Variants in NBAS observed in about 807,000 individuals in gnomAD.
The protein encoded by NBAS is NAG/BC035112 fusion.
In NBAS, 219 loss-of-function variants were observed where a neutral mutation model predicts 302.5. The observed-to-expected ratio is 0.72, with a 90% CI of 0.65 to 0.81. The LOEUF (loss-of-function observed/expected upper bound fraction) is 0.81. Among genes scored for constraint, NBAS ranks in the 30% least tolerant of loss-of-function variants. The pLI, the probability that NBAS is intolerant of heterozygous loss-of-function variation, is 0.00. For synonymous variants in NBAS, 1,118 were observed against 1,021.6 expected, an observed-to-expected ratio of 1.09 and a Z score of -1.80; for missense variants, 2,932 against 2,841.6, an observed-to-expected ratio of 1.03 and a Z score of -0.72.
At chr2:15,436,486 AC>A (rs1261153121) in intron 21 of NBAS, among the ~76,000 whole-genome samples, 1 of 152,208 alleles carries the variant, frequency 6.6e-6, no homozygotes, top group Non-Finnish European at 1.5e-5. Flanking sequence ...TACTTTGGAA[AC>A]CAAGTTATAC....
the NBAS span, among the ~76,000 whole-genome samples, chr2:14,896,762 G>T: frequency 1.4e-4 from 22 of 152,318 alleles, 1 homozygote; most frequent in Non-Finnish European, 1.5e-5. Context: ...CCATTGCAAA[G>T]AAGAAGCTGG....
At position 15,292,471 on chromosome 2, in the gene NBAS, T is replaced by C. The variant is rs948061890; in HGVS notation, c.5027+66A>G. The C allele has an allele frequency of 2.6e-6, 4 of 1,513,580 alleles. No individual in the cohort carries two copies. The African/African-American group carries it at 5.5e-5, about 21-fold the overall frequency. The allele number at this position is 1,513,580 out of a possible 1,614,324, so 93.8% of individuals were successfully genotyped here. ...TTCAAAGGACTGAAATTAATAGTCC[T>C]GGTAACTGAACTTATTCTTTTGCAG... On this transcript the variant is annotated intron_variant, in intron 41 of 51. Transcript: ENST00000281513.
At chr2:15,512,077 A>G (rs1342576656) in intron 9 of NBAS, among the ~76,000 whole-genome samples, 1 of 152,224 alleles carries the variant, frequency 6.6e-6, no homozygotes, top group Non-Finnish European at 1.5e-5. Flanking sequence ...AAAGAAAGAA[A>G]AAAAGTCTGA....
chr2:15,535,567 A>AAATAAATAAAT (rs1558420388), intron 8 of NBAS, among the ~76,000 whole-genome samples: 2 of 136,318 alleles, frequency 1.5e-5, no homozygotes, highest in African/African-American at 6.1e-5. Flanking sequence ...AATAAATAAA[A>AAATAAATAAAT]ATAAAAAAAT....
At chr2:14,895,673 G>A in the NBAS span, among the ~76,000 whole-genome samples, 6 of 151,276 alleles carry the variant, frequency 4.0e-5, no homozygotes, top group Non-Finnish European at 5.9e-5. Flanking sequence ...CCGGGAGGTG[G>A]AGCTTGCAGT....
intron 35 of NBAS, among the ~76,000 whole-genome samples, chr2:15,336,310 T>A (rs1026188989): frequency 4.6e-5 from 7 of 152,234 alleles, no homozygotes; most frequent in African/African-American, 1.7e-4. Flanking sequence ...CTATTCAAGA[T>A]CAGAGACACT....
chr2:15,266,097 G>A (rs975897746), intron 44 of NBAS, among the ~76,000 whole-genome samples: 1 of 152,150 alleles, frequency 6.6e-6, no homozygotes, highest in Non-Finnish European at 1.5e-5. Context: ...AAGATCTGAT[G>A]GTTTTAGAAG....
At chr2:14,890,754 G>A in the NBAS span, 1,606 of 152,908 alleles carry the variant, frequency 0.011, 26 homozygotes, top group African/African-American at 0.034. Context: ...GGAGGCTGAG[G>A]TTGCAGTGAG....
At chr2:15,413,749 C>G (rs1463008865) in intron 25 of NBAS, among the ~76,000 whole-genome samples, 1 of 152,190 alleles carries the variant, frequency 6.6e-6, no homozygotes, top group Non-Finnish European at 1.5e-5. Flanking sequence ...TCACTGAAAA[C>G]TTTCCGCAGA....
chr2:15,287,056 A>G lies in NBAS; in HGVS notation c.5138+17T>C. On this transcript the variant is annotated intron_variant, in intron 42 of 51. Coordinates refer to ENST00000281513, the MANE Select transcript of NBAS (RefSeq NM_015909.4). Reference sequence around the variant, plus strand: ...GAAAGACATGGAAACAAACGTACATATGAACTGTGTGCTTACCCACTGTCC... The same window carrying G: ...GAAAGACATGGAAACAAACGTACATGTGAACTGTGTGCTTACCCACTGTCC... 6.4e-7 allele frequency: 1 copy of G among 1,555,276 alleles called. No individual in the cohort carries two copies. The highest frequency in any genetic ancestry group is 1.1e-5 in the South Asian group (1 of 89,832).
chr2:15,038,082 T>TATAC, the NBAS span, among the ~76,000 whole-genome samples: 1 of 146,816 alleles, frequency 6.8e-6, no homozygotes, highest in Non-Finnish European at 1.5e-5. Flanking sequence ...AATTATATAA[T>TATAC]ATATATATAT....
At chr2:14,968,266 T>C in the NBAS span, among the ~76,000 whole-genome samples, 2 of 152,146 alleles carry the variant, frequency 1.3e-5, no homozygotes, top group Non-Finnish European at 2.9e-5. Flanking sequence ...TACAATTCAA[T>C]AATCAAAAGA....
At chr2:14,906,756 C>A in the NBAS span, among the ~76,000 whole-genome samples, 67 of 152,254 alleles carry the variant, frequency 4.4e-4, no homozygotes, top group Admixed American at 1.7e-3. Context: ...TCTGATGTTG[C>A]GATTCCAAGC....
the NBAS span, among the ~76,000 whole-genome samples, chr2:14,797,421 C>T: frequency 5.9e-5 from 9 of 152,172 alleles, no homozygotes; most frequent in Admixed American, 5.9e-4. Context: ...GGTGGTGGGG[C>T]TAGGCCAGCC....
chr2:15,027,846 C>G, the NBAS span, among the ~76,000 whole-genome samples: 1 of 152,090 alleles, frequency 6.6e-6, no homozygotes, highest in South Asian at 2.1e-4. Flanking sequence ...GTTGGTATAG[C>G]GACTGGTGCT....
the NBAS span, among the ~76,000 whole-genome samples, chr2:15,053,667 C>T: frequency 6.6e-6 from 1 of 151,796 alleles, no homozygotes; most frequent in African/African-American, 2.4e-5. Flanking sequence ...GGGGGGATCT[C>T]GGGGTCCAGT....
chr2:15,521,359 A>G (rs1438158218), intron 9 of NBAS, among the ~76,000 whole-genome samples: 1 of 152,112 alleles, frequency 6.6e-6, no homozygotes, highest in Admixed American at 6.6e-5. Flanking sequence ...TTTGGAAAAA[A>G]CCTGTTTTAG....
chr2:15,387,750 G>C (rs1226571243), intron 28 of NBAS, among the ~76,000 whole-genome samples: 1 of 151,908 alleles, frequency 6.6e-6, no homozygotes, highest in Non-Finnish European at 1.5e-5. Flanking sequence ...TCCAGCCTCA[G>C]CCTCCCTAGT....
At chr2:14,962,447 C>A in the NBAS span, among the ~76,000 whole-genome samples, 2 of 152,120 alleles carry the variant, frequency 1.3e-5, no homozygotes, top group Non-Finnish European at 2.9e-5. Context: ...AGGAGAGCTC[C>A]AAAAGCTGTA....
Sources: allele counts gnomAD v4.1 joint callset (sites outside exome capture counted in the v4.1 genomes callset), GRCh38; gene constraint gnomAD v4.1.1; transcripts MANE v1.5; gene names NCBI Gene and HGNC (gene_info 2026-07-23, HGNC 2026-07-21).